Variants in ATXN7L1 observed in about 807,000 individuals in gnomAD.
ATXN7L1 encodes ataxin-7-like protein 1.
In ATXN7L1, 15 loss-of-function variants were observed where a neutral mutation model predicts 70.8. The ratio of observed to expected loss-of-function variants is 0.21; its 90% CI spans 0.14 to 0.33. The LOEUF (loss-of-function observed/expected upper bound fraction) is 0.33, where lower values mean the gene tolerates loss of function less well. Among genes scored for constraint, ATXN7L1 ranks in the 10% least tolerant of loss-of-function variants. The probability of loss-of-function intolerance (pLI) is 1.00; values close to 1 mark genes in which losing one functional copy is unlikely to be tolerated. For synonymous variants in ATXN7L1, 440 were observed against 445.1 expected (o/e 0.99, Z 0.14); for missense variants, 975 against 1,097.1 (o/e 0.89, Z 1.57).
intron 2 of ATXN7L1, among the ~76,000 whole-genome samples, chr7:105,851,412 T>C (rs1053018462): frequency 6.9e-6 from 1 of 145,326 alleles, no homozygotes; most frequent in Admixed American, 7.1e-5. Flanking sequence ...CCAGCTAGCA[T>C]ACATATTACC....
chr7:105,623,853 T>C (rs1454189575), intron 8 of ATXN7L1, among the ~76,000 whole-genome samples: 7 of 152,224 alleles, frequency 4.6e-5, no homozygotes, highest in African/African-American at 1.2e-4. Flanking sequence ...TTTAGTAGTA[T>C]GTGGAAGTAC....
At chr7:105,629,553 TCACC>T (rs1194881894) in intron 7 of ATXN7L1, among the ~76,000 whole-genome samples, 1 of 151,068 alleles carries the variant, frequency 6.6e-6, no homozygotes, top group Non-Finnish European at 1.5e-5. Context: ...TCTCCCTCTG[TCACC>T]CAGGCTGGAG....
intron 2 of ATXN7L1, among the ~76,000 whole-genome samples, chr7:105,822,271 CA>C (rs1810270745): frequency 6.6e-6 from 1 of 152,158 alleles, no homozygotes; most frequent in African/African-American, 2.4e-5. Flanking sequence ...ACCCTGTCTC[CA>C]AAAATAAATC....
At chr7:105,811,913 G>A (rs1808488528) in intron 2 of ATXN7L1, among the ~76,000 whole-genome samples, 1 of 152,134 alleles carries the variant, frequency 6.6e-6, no homozygotes, top group Non-Finnish European at 1.5e-5. Context: ...CACAGGCTAA[G>A]TCCCAGAGAG....
intron 11 of ATXN7L1, 44 bp downstream of exon 11, chr7:105,610,485 T>C (rs1386890067): frequency 1.4e-6 from 2 of 1,460,972 alleles, no homozygotes; most frequent in Non-Finnish European, 1.9e-6. Context: ...ACTCTGCTGA[T>C]GACCATATGA....
Position 105,614,932 on chromosome 7 carries a change from T to A in ATXN7L1, c.1518-116A>T. ...AGAGGACACCCCGGCAGAACCAGAC[T>A]ATGGAGAATGGAGCCTTGAAGGATG... On this transcript the variant is annotated intron_variant, in intron 9 of 11. Coordinates refer to ENST00000419735, the MANE Select transcript of ATXN7L1 (RefSeq NM_020725.2). The surrounding 1 kb of genome is among the most constrained non-coding windows in gnomAD (Gnocchi z 4.3). The A allele has an allele frequency of 8.1e-7, 1 of 1,236,122 alleles. No individual in the cohort carries two copies. Among genetic ancestry groups the A allele is most frequent in the Non-Finnish European group, 1.1e-6 (1 of 908,728 alleles). The allele number at this position is 1,236,122 out of a possible 1,614,324, so 76.6% of individuals were successfully genotyped here. A position where few individuals can be genotyped will look rare whatever the true frequency, so the allele number is the denominator to read the frequency against.
At chr7:105,637,104 G>A (rs375708792) in intron 7 of ATXN7L1, among the ~76,000 whole-genome samples, 124 of 152,252 alleles carry the variant, frequency 8.1e-4, no homozygotes, top group African/African-American at 2.4e-3. Flanking sequence ...TGACAGTAAC[G>A]CCACGATGGT....
chr7:105,621,817 C>T (rs1435288813), intron 8 of ATXN7L1, among the ~76,000 whole-genome samples: 3 of 152,236 alleles, frequency 2.0e-5, no homozygotes, highest in Non-Finnish European at 4.4e-5. Flanking sequence ...CAAACCCGTC[C>T]TGGAACCAGA....
chr7:105,733,726 C>G, intron 3 of ATXN7L1, among the ~76,000 whole-genome samples: 1 of 116,368 alleles, frequency 8.6e-6, no homozygotes, highest in African/African-American at 3.1e-5. Flanking sequence ...ATCCATCCAT[C>G]CTTCCATCCA....
rs146580616 is a variant in ATXN7L1, at chr7:105,816,096, T to C, written c.251-27388A>G. 4.6e-5 allele frequency among the ~76,000 whole-genome samples: 7 copies of C among 152,166 alleles called. No individual in the cohort carries two copies. In the East Asian group the frequency reaches 1.2e-3, roughly 25 times the overall value. On this transcript the variant is annotated intron_variant, in intron 2 of 11. Transcript: ENST00000419735. ...TACCTGTATAGCTGTACTGGGAGGA[T>C]GGGGAGGAGAAGTGAGGGTGGGTGG...
At chr7:105,783,663 C>T (rs1316449094) in intron 3 of ATXN7L1, among the ~76,000 whole-genome samples, 1 of 152,190 alleles carries the variant, frequency 6.6e-6, no homozygotes, top group Non-Finnish European at 1.5e-5. Flanking sequence ...GACAGACGCT[C>T]CTGCACTTAG....
chr7:105,682,673 C>T (rs1415601012), intron 3 of ATXN7L1, among the ~76,000 whole-genome samples: 1 of 151,884 alleles, frequency 6.6e-6, no homozygotes, highest in Non-Finnish European at 1.5e-5. Flanking sequence ...TGAAAGAAGC[C>T]AGACACAAAA....
At chr7:105,665,436 G>C (rs998281471) in intron 3 of ATXN7L1, 148 bp from the exon 4 acceptor site, 2 of 647,400 alleles carry the variant, frequency 3.1e-6, no homozygotes, top group Non-Finnish European at 5.4e-6. Context: ...CTGATGAGAC[G>C]ATTTGTCTTG....
At chr7:105,746,559 T>C (rs1262154957) in intron 3 of ATXN7L1, among the ~76,000 whole-genome samples, 1 of 152,206 alleles carries the variant, frequency 6.6e-6, no homozygotes, top group African/African-American at 2.4e-5. Flanking sequence ...CACTCCCTGA[T>C]TACCTTGTGC....
At chr7:105,671,173 C>G (rs1172858652) in intron 3 of ATXN7L1, among the ~76,000 whole-genome samples, 1 of 146,268 alleles carries the variant, frequency 6.8e-6, no homozygotes, top group Admixed American at 6.9e-5. Flanking sequence ...ATCTCAGCTA[C>G]TCAGGAGGCT....
rs1307867629 is a variant in ATXN7L1, at chr7:105,761,326, C to T, written c.355+27278G>A. 10 of 1,612,124 alleles carry T rather than the reference C, an allele frequency of 6.2e-6. No individual in the cohort carries two copies. In the South Asian group the frequency reaches 6.6e-5, roughly 11 times the overall value. On this transcript the variant is annotated intron_variant, in intron 3 of 11. Coordinates refer to ENST00000419735, the MANE Select transcript of ATXN7L1 (RefSeq NM_020725.2). The stretch of plus-strand genomic sequence containing the variant: ...CCAGGAAGCCGTCTCCAGACAATGC[C>T]AGTCCTCTGAGATCTTTCAGAAGTT...
rs1268259607 is a variant in ATXN7L1, at chr7:105,610,539, T to C, written c.2537A>G (p.His846Arg). 9.0e-6 allele frequency: 14 copies of C among 1,550,758 alleles called. No individual in the cohort carries two copies. Among genetic ancestry groups the C allele is most frequent in the Non-Finnish European group, 1.2e-5 (14 of 1,146,508 alleles). Residue 846 changes from histidine (H) to arginine (R), a missense_variant, in exon 11 of 12, where the codon CAC becomes CGC. His to Arg is a conservative substitution (Grantham distance 29). Transcript: ENST00000419735. ...SSPSSISSPG[H>R]SRQNTNRTGR... ...CCCTCAGTAACTTACCTGTCGGCTG[T>C]GTCCTGGGCTGGATATACTTGAAGG...
At chr7:105,812,058 C>A (rs1423059989) in intron 2 of ATXN7L1, among the ~76,000 whole-genome samples, 1 of 152,140 alleles carries the variant, frequency 6.6e-6, no homozygotes, top group Non-Finnish European at 1.5e-5. Flanking sequence ...ATGCTTTGGA[C>A]CACCCCAGGC....
chr7:105,806,365 C>A (rs1048605984), intron 2 of ATXN7L1, among the ~76,000 whole-genome samples: 2 of 152,110 alleles, frequency 1.3e-5, no homozygotes, highest in African/African-American at 4.8e-5. Flanking sequence ...ACTCACCATG[C>A]GGGCACCCTG....
Sources: allele counts gnomAD v4.1 joint callset (sites outside exome capture counted in the v4.1 genomes callset), GRCh38; gene constraint gnomAD v4.1.1; non-coding constraint Gnocchi (gnomAD v3.1); transcripts MANE v1.5; gene names NCBI Gene and HGNC (gene_info 2026-07-23, HGNC 2026-07-21).